The following PLXDC1 variants were observed in gnomAD, a reference collection of about 807,000 sequenced individuals.
PLXDC1 encodes plexin domain containing 1, also known as plexin domain-containing protein 1.
PLXDC1 carries 39 observed loss-of-function variants against 61.3 expected under a neutral mutation model. The observed-to-expected ratio is 0.64, with a 90% CI of 0.49 to 0.83. PLXDC1 has a LOEUF of 0.83. Among genes scored for constraint, PLXDC1 ranks in the 40% least tolerant of loss-of-function variants. The pLI, the probability that PLXDC1 is intolerant of heterozygous loss-of-function variation, is 0.00. For synonymous variants in PLXDC1, 212 were observed against 254.5 expected (o/e 0.83, Z 1.59); for missense variants, 596 against 666.5 (o/e 0.89, Z 1.17).
chr17:39,135,897 G>T (rs996277974), intron 2 of PLXDC1, among the ~76,000 whole-genome samples: 1 of 152,102 alleles, frequency 6.6e-6, no homozygotes, highest in African/African-American at 2.4e-5. Context: ...AATCCATACT[G>T]GCTCTTAATG....
intron 2 of PLXDC1, among the ~76,000 whole-genome samples, chr17:39,122,117 G>C (rs866008073): frequency 5.4e-5 from 8 of 147,372 alleles, no homozygotes; most frequent in Non-Finnish European, 9.0e-5. Context: ...AAAAAGGGGG[G>C]GGGGACTGGG....
chr17:39,141,023 A>G (rs943840203), intron 1 of PLXDC1, among the ~76,000 whole-genome samples: 1 of 151,720 alleles, frequency 6.6e-6, no homozygotes, highest in African/African-American at 2.4e-5. Flanking sequence ...CTCCCTATTC[A>G]CCCCTGTTAT....
chr17:39,128,062 TC>T (rs1911367941), intron 2 of PLXDC1, among the ~76,000 whole-genome samples: 1 of 30,748 alleles, frequency 3.3e-5, no homozygotes. Context: ...TCTCTCTCTC[TC>T]TCTGTCTCTC....
intron 13 of PLXDC1, 85 bp from the exon 14 acceptor site, chr17:39,068,044 G>T: frequency 1.5e-6 from 2 of 1,372,962 alleles, no homozygotes; most frequent in South Asian, 1.3e-5. Flanking sequence ...AGCCAACCAA[G>T]ACTGTCTCTT....
chr17:39,146,106 T>C (rs1301080022), intron 1 of PLXDC1, among the ~76,000 whole-genome samples: 1 of 148,252 alleles, frequency 6.7e-6, no homozygotes, highest in East Asian at 2.0e-4. Flanking sequence ...AATCTCGATA[T>C]GTCACCCAGG....
intron 2 of PLXDC1, among the ~76,000 whole-genome samples, chr17:39,119,808 A>T (rs1911101630): frequency 6.6e-6 from 1 of 152,076 alleles, no homozygotes; most frequent in African/African-American, 2.4e-5. Flanking sequence ...GAACTGAGAA[A>T]CTAAATTTCT....
rs79934537 is a variant in PLXDC1 at position 39,135,842 on chromosome 17, T to C, written c.255+3812A>G. Among the ~76,000 whole-genome samples the C allele has an allele frequency of 6.1e-3, 929 of 152,222 alleles. 14 individuals carry two copies. The highest frequency in any genetic ancestry group is 0.021 in the African/African-American group (872 of 41,534). Reference sequence around the variant, plus strand: ...TGTTTCTGAACCAGTCCATCCAGGGTGGAGCCTGAGAATTTGTGGTGTTTT... The same window carrying C: ...TGTTTCTGAACCAGTCCATCCAGGGCGGAGCCTGAGAATTTGTGGTGTTTT... On this transcript the variant is annotated intron_variant, in intron 2 of 13. Transcript: ENST00000315392.
chr17:39,137,293 ACTTGTAAT>A (rs1338633916), intron 2 of PLXDC1: 1 of 152,218 alleles, frequency 6.6e-6, no homozygotes, highest in African/African-American at 2.4e-5. Flanking sequence ...GGTGGCTTAC[ACTTGTAAT>A]CCCAGCACTT....
intron 7 of PLXDC1, among the ~76,000 whole-genome samples, chr17:39,099,979 A>G (rs1910364274): frequency 6.6e-6 from 1 of 152,170 alleles, no homozygotes; most frequent in Non-Finnish European, 1.5e-5. Flanking sequence ...TGTTACATCT[A>G]AAATTAAGCT....
upstream of PLXDC1, chr17:39,152,454 A>T: frequency 9.3e-7 from 1 of 1,079,018 alleles, no homozygotes; most frequent in Non-Finnish European, 1.2e-6. Context: ...TTCTTCCAGG[A>T]CAGAATAAAA....
At chr17:39,120,278 A>G (rs1911118085) in intron 2 of PLXDC1, among the ~76,000 whole-genome samples, 1 of 152,044 alleles carries the variant, frequency 6.6e-6, no homozygotes, top group South Asian at 2.1e-4. Flanking sequence ...CAGCCTCCCA[A>G]GTAGCTGGGA....
chr17:39,077,772 A>G lies in PLXDC1; in HGVS notation c.1186+141T>C, dbSNP rs532277608. 1.5e-4 allele frequency: 110 copies of G among 725,924 alleles called. No individual in the cohort carries two copies. In the East Asian group the frequency reaches 2.9e-3, roughly 19 times the overall value. 45.0% of individuals were successfully genotyped at this position (725,924 alleles called of 1,614,324 possible). A position where few individuals can be genotyped will look rare whatever the true frequency, so the allele number is the denominator to read the frequency against. ...AAGTGACCTAAACTGTCTGAACTTCAGGCCCCCTTAGCTATAAAAGGATGG... is the reference window on the plus strand; with the variant it reads ...AAGTGACCTAAACTGTCTGAACTTCGGGCCCCCTTAGCTATAAAAGGATGG... On this transcript the variant is annotated intron_variant, in intron 11 of 13. Coordinates refer to ENST00000315392, the MANE Select transcript of PLXDC1 (RefSeq NM_020405.5).
At chr17:39,149,208 AG>A (rs2045358920) in intron 1 of PLXDC1, among the ~76,000 whole-genome samples, 2 of 152,144 alleles carry the variant, frequency 1.3e-5, no homozygotes, top group African/African-American at 4.8e-5. Flanking sequence ...ATCAGGAGCG[AG>A]GGGAGATCTC....
Position 39,087,618 on chromosome 17 carries a change from G to A in PLXDC1, c.896C>T (p.Thr299Ile). The A allele has an allele frequency of 6.2e-7, 1 of 1,613,556 alleles. No homozygotes were observed. The highest frequency in any genetic ancestry group is 1.1e-5 in the South Asian group (1 of 91,066). The stretch of plus-strand genomic sequence containing the variant: ...TGACCCCTACTCACTCGGCAATGGG[G>A]TGAACTCCACGGCCGACATGCTGGT... ...KVTSMSAVEF[T>I]PLPTCLQHRS... Residue 299 changes from threonine (T) to isoleucine (I), a missense_variant, in exon 8 of 14, where the codon ACC becomes ATC. Coordinates refer to ENST00000315392, the MANE Select transcript of PLXDC1 (RefSeq NM_020405.5).
intron 2 of PLXDC1, among the ~76,000 whole-genome samples, chr17:39,122,168 C>G (rs963635910): frequency 6.8e-6 from 1 of 148,148 alleles, no homozygotes; most frequent in East Asian, 2.0e-4. Context: ...TTTGGGAGGC[C>G]GAGGTAGGCG....
At chr17:39,123,495 C>A (rs1486141254) in intron 2 of PLXDC1, among the ~76,000 whole-genome samples, 2 of 152,082 alleles carry the variant, frequency 1.3e-5, no homozygotes, top group Admixed American at 1.3e-4. Flanking sequence ...TGGCCTCTTG[C>A]AAGGTTCTTG....
rs1388626879 is a variant in PLXDC1, at chr17:39,106,686, G to T, written c.711+721C>A. ...TTTTTTTGAGACAGATTCTCACTCT[G>T]TTGCCCAGGCTGGAGTGCAGTGGCA... On this transcript the variant is annotated intron_variant, in intron 6 of 13. Coordinates refer to ENST00000315392, the MANE Select transcript of PLXDC1 (RefSeq NM_020405.5). 2.4e-3 allele frequency among the ~76,000 whole-genome samples: 294 copies of T among 120,892 alleles called. 1 individual carries two copies. Among genetic ancestry groups the T allele is most frequent in the African/African-American group, 8.8e-3 (269 of 30,470 alleles). 79.3% of individuals were successfully genotyped at this position (120,892 alleles called of 152,430 possible).
intron 1 of PLXDC1, among the ~76,000 whole-genome samples, chr17:39,148,708 T>G (rs896869140): frequency 2.6e-5 from 4 of 151,920 alleles, no homozygotes; most frequent in Non-Finnish European, 4.4e-5. Context: ...GTGCTGGGAT[T>G]ACAGGCATGA....
chr17:39,129,531 C>T (rs564232965), intron 2 of PLXDC1, among the ~76,000 whole-genome samples: 2 of 146,272 alleles, frequency 1.4e-5, no homozygotes, highest in East Asian at 4.2e-4. Context: ...GCAGGAGAAT[C>T]GTTTGAACCC....
Sources: allele counts gnomAD v4.1 joint callset (sites outside exome capture counted in the v4.1 genomes callset), GRCh38; gene constraint gnomAD v4.1.1; transcripts MANE v1.5; gene names NCBI Gene and HGNC (gene_info 2026-07-23, HGNC 2026-07-21).